Variants in MGLL observed in about 807,000 individuals in gnomAD.
MGLL encodes lysophospholipase homolog.
In MGLL, 7 loss-of-function variants were observed where a neutral mutation model predicts 29.1. The observed-to-expected ratio is 0.24, with a 90% CI of 0.14 to 0.45. The LOEUF (loss-of-function observed/expected upper bound fraction) is 0.45, where lower values mean the gene tolerates loss of function less well. Among genes scored for constraint, MGLL ranks in the 20% least tolerant of loss-of-function variants. MGLL has a pLI of 0.99. For missense variants in MGLL, 356 were observed against 413.6 expected, an observed-to-expected ratio of 0.86 and a Z score of 1.21; for synonymous variants, 148 against 168.3, an observed-to-expected ratio of 0.88 and a Z score of 0.93.
chr3:127,761,842 C>T lies in MGLL; in HGVS notation c.262+19947G>A, dbSNP rs908648378. Among the ~76,000 whole-genome samples, 1 of 152,194 alleles carries T rather than the reference C, an allele frequency of 6.6e-6. No homozygotes were observed. The highest frequency in any genetic ancestry group is 1.5e-5 in the Non-Finnish European group (1 of 68,036). On this transcript the variant is annotated intron_variant, in intron 3 of 7. Transcript: ENST00000265052. The surrounding 1 kb of genome is among the most constrained non-coding windows in gnomAD (Gnocchi z 4.6). ...AATGCCCAGACAAGCACTAAATATG[C>T]GTAGTGCACCCAGCGCACTTGCCGG...
At position 127,722,186 on chromosome 3, in the gene MGLL, G is replaced by A. The variant is rs1038793809; in HGVS notation, c.399+244C>T. Among the ~76,000 whole-genome samples, 7 of 152,346 alleles carry A rather than the reference G, an allele frequency of 4.6e-5. No individual in the cohort carries two copies. The East Asian group carries it at 5.8e-4, about 13-fold the overall frequency. ...AATGGCACCAAGTGGGCCAAAGAAC[G>A]TTGAGAAAAAGATCAGTTTTCCAAG... is the stretch of plus-strand genomic sequence containing the variant. On this transcript the variant is annotated intron_variant, in intron 4 of 7. Transcript: ENST00000265052.
At chr3:127,813,573 T>G (rs953889515) in intron 2 of MGLL, among the ~76,000 whole-genome samples, 1 of 152,200 alleles carries the variant, frequency 6.6e-6, no homozygotes, top group African/African-American at 2.4e-5. Context: ...GGGAAACTTC[T>G]GGATGAAAAG....
intron 6 of MGLL, among the ~76,000 whole-genome samples, chr3:127,697,172 C>A (rs1251021306): frequency 6.6e-6 from 1 of 152,236 alleles, no homozygotes; most frequent in East Asian, 1.9e-4. Context: ...CATGGGGGCC[C>A]ATGGCCAGGC....
At chr3:127,771,269 G>A (rs1010564474) in intron 3 of MGLL, among the ~76,000 whole-genome samples, 12 of 152,270 alleles carry the variant, frequency 7.9e-5, no homozygotes, top group Middle Eastern at 3.4e-3. Context: ...CGTGAGCTTC[G>A]TGGACCCAGC....
chr3:127,781,381 G>A (rs2077122631), intron 3 of MGLL, among the ~76,000 whole-genome samples: 1 of 152,186 alleles, frequency 6.6e-6, no homozygotes, highest in Non-Finnish European at 1.5e-5. Flanking sequence ...CTCCTGGTCT[G>A]AAATGCTTGG....
At chr3:127,773,142 C>T (rs1024619155) in intron 3 of MGLL, among the ~76,000 whole-genome samples, 3 of 152,222 alleles carry the variant, frequency 2.0e-5, no homozygotes, top group Non-Finnish European at 2.9e-5. Context: ...TTTGAGGAAG[C>T]CCCTTATAAA....
rs754071655 is a variant in MGLL at position 127,721,157 on chromosome 3, C to T, written c.406G>A (p.Ala136Thr). Residue 136 changes from alanine to threonine, a missense_variant, in exon 5 of 8, where the codon GCC becomes ACC. By Grantham distance (58) the Ala-to-Thr change is moderately conservative. Transcript: ENST00000265052. ...VFLLGHSMGG[A>T]IAILTAAERP... The stretch of plus-strand genomic sequence containing the variant: ...TCTGCGGCCGTGAGGATGGCGATGG[C>T]GCCTCCCTGTAATGCAGAATGGGCA... The T allele has an allele frequency of 3.1e-6, 5 of 1,614,042 alleles. No individual in the cohort carries two copies. The highest frequency in any genetic ancestry group is 1.3e-5 in the African/African-American group (1 of 75,050).
rs148828369 is a variant in MGLL at position 127,734,342 on chromosome 3, G to A, written c.263-11776C>T. Among the ~76,000 whole-genome samples, 391 of 152,314 alleles carry A rather than the reference G, an allele frequency of 2.6e-3. 1 individual carries two copies. The highest frequency in any genetic ancestry group is 0.01 in the Middle Eastern group (3 of 294). On this transcript the variant is annotated intron_variant, in intron 3 of 7. Coordinates refer to ENST00000265052, the MANE Select transcript of MGLL (RefSeq NM_007283.7). ...GAGTAAGGAGGCGTTGCCATGAGGCGCCAGGGCACCTGGCTCCCAGTATTC... is the reference window on the plus strand; with the variant it reads ...GAGTAAGGAGGCGTTGCCATGAGGCACCAGGGCACCTGGCTCCCAGTATTC...
intron 3 of MGLL, among the ~76,000 whole-genome samples, chr3:127,746,381 A>C (rs1049565664): frequency 6.6e-6 from 1 of 152,086 alleles, no homozygotes; most frequent in Non-Finnish European, 1.5e-5. Context: ...CTGGGCTCAC[A>C]GATCCACCCT....
intron 2 of MGLL, among the ~76,000 whole-genome samples, chr3:127,788,466 A>G (rs2077248994): frequency 6.6e-6 from 1 of 152,162 alleles, no homozygotes. Flanking sequence ...CTGTAATTAA[A>G]TAATAAGACA....
chr3:127,750,019 G>T (rs1484368939), intron 3 of MGLL, among the ~76,000 whole-genome samples: 1 of 152,122 alleles, frequency 6.6e-6, no homozygotes, highest in Non-Finnish European at 1.5e-5. Flanking sequence ...CCAGGTCACG[G>T]GGGCCTTGTA....
intron 2 of MGLL, among the ~76,000 whole-genome samples, chr3:127,815,292 C>T (rs1345828277): frequency 3.9e-5 from 6 of 152,172 alleles, no homozygotes; most frequent in Admixed American, 3.9e-4. Context: ...ACAGCAGCCC[C>T]ACCGTGTTCC....
chr3:127,807,741 G>A (rs939166274), intron 2 of MGLL, among the ~76,000 whole-genome samples: 2 of 132,196 alleles, frequency 1.5e-5, no homozygotes, highest in African/African-American at 2.8e-5. Context: ...TAGACATGCT[G>A]TGAAAAGTCT....
At chr3:127,807,449 C>T (rs1308899798) in intron 2 of MGLL, among the ~76,000 whole-genome samples, 1 of 151,682 alleles carries the variant, frequency 6.6e-6, no homozygotes, top group Non-Finnish European at 1.5e-5. Context: ...CTATTGTTTT[C>T]CTATTCTTTA....
At chr3:127,728,306 T>TATCCATCCATCC (rs35156008) in intron 3 of MGLL, among the ~76,000 whole-genome samples, 1 of 151,982 alleles carries the variant, frequency 6.6e-6, no homozygotes, top group Non-Finnish European at 1.5e-5. Context: ...ACTACCTGTT[T>TATCCATCCATCC]ATCCATCCAT....
intron 4 of MGLL, among the ~76,000 whole-genome samples, chr3:127,721,893 C>T (rs759682307): frequency 1.3e-5 from 2 of 152,102 alleles, no homozygotes; most frequent in Non-Finnish European, 2.9e-5. Context: ...CTGTGGGCTG[C>T]CAGTTTAAGG....
chr3:127,757,751 G>A (rs2076689398), intron 3 of MGLL, among the ~76,000 whole-genome samples: 1 of 152,158 alleles, frequency 6.6e-6, no homozygotes, highest in Non-Finnish European at 1.5e-5. Context: ...AGTGTTTCTT[G>A]ACCCCAACCT....
Position 127,727,833 on chromosome 3 carries a change from C to T in MGLL, c.263-5267G>A, listed in dbSNP as rs1026270776. 6.0e-5 allele frequency among the ~76,000 whole-genome samples: 9 copies of T among 151,118 alleles called. No individual in the cohort carries two copies. The Middle Eastern group carries it at 0.014, about 230-fold the overall frequency. ...AAATCTTGGTTCCTAATAGCATTAA[C>T]ATATTTACTTATAGCATAGCGTCAA... On this transcript the variant is annotated intron_variant, in intron 3 of 7. Coordinates refer to ENST00000265052, the MANE Select transcript of MGLL (RefSeq NM_007283.7).
chr3:127,735,196 C>T (rs1490722266), intron 3 of MGLL, among the ~76,000 whole-genome samples: 2 of 152,212 alleles, frequency 1.3e-5, no homozygotes, highest in African/African-American at 4.8e-5. Flanking sequence ...CTCATATATG[C>T]TACAACAGGA....
Sources: allele counts gnomAD v4.1 joint callset (sites outside exome capture counted in the v4.1 genomes callset), GRCh38; gene constraint gnomAD v4.1.1; non-coding constraint Gnocchi (gnomAD v3.1); transcripts MANE v1.5; gene names NCBI Gene and HGNC (gene_info 2026-07-23, HGNC 2026-07-21).